The following MUC4 variants were observed in gnomAD, a reference collection of about 807,000 sequenced individuals.
MUC4 encodes the protein mucin 4, cell surface associated, also known as mucin-4.
A neutral mutation model predicts 257.9 loss-of-function variants in MUC4; 202 were observed. That is an observed-to-expected ratio of 0.78 (90% CI 0.70 to 0.88). MUC4 has a LOEUF of 0.88. MUC4 is among the 40% of genes least tolerant of loss of function. The probability of loss-of-function intolerance (pLI) is 0.00; values close to 1 mark genes in which losing one functional copy is unlikely to be tolerated. For synonymous variants in MUC4, 2,351 were observed against 2,757.1 expected (o/e 0.85, Z 4.62); for missense variants, 5,976 against 6,513.7 (o/e 0.92, Z 2.84).
At position 195,763,441 on chromosome 3, in the gene MUC4, G is replaced by T. The variant is rs1291664706; in HGVS notation, c.14245C>A (p.Pro4749Thr). The change falls in exon 12 of 25, where the codon CCC (proline) becomes ACC (threonine). Residue 4749 changes from proline to threonine, a missense_variant. Coordinates refer to ENST00000463781, the MANE Select transcript of MUC4 (RefSeq NM_018406.7). Reference sequence around the variant, plus strand: ...CGGCACCCCTCACTCACCGTGACGGGGCCCAGGCTGCTGGAGCGGTACTGA... The same window carrying T: ...CGGCACCCCTCACTCACCGTGACGGTGCCCAGGCTGCTGGAGCGGTACTGA... ...AAQYRSSSLG[P>T]VTVQWLLEPH... 7.0e-7 allele frequency: 1 copy of T among 1,418,578 alleles called. No homozygotes were observed. Among genetic ancestry groups the T allele is most frequent in the Admixed American group, 3.0e-5 (1 of 32,984 alleles). 87.9% of individuals were successfully genotyped at this position (1,418,578 alleles called of 1,614,324 possible).
At chr3:195,795,413 T>C (rs1198898447) in intron 1 of MUC4, among the ~76,000 whole-genome samples, 1 of 152,078 alleles carries the variant, frequency 6.6e-6, no homozygotes, top group Admixed American at 6.6e-5. Context: ...TTCAGCAATA[T>C]GGAAGAAGAG....
At position 195,783,647 on chromosome 3, in the gene MUC4, C is replaced by T. The variant is rs867222648; in HGVS notation, c.7933G>A (p.Asp2645Asn). 14 of 266,056 alleles carry T rather than the reference C, an allele frequency of 5.3e-5. No individual in the cohort carries two copies. Among genetic ancestry groups the T allele is most frequent in the South Asian group, 1.7e-4 (5 of 30,030 alleles). The allele number at this position is 266,056 out of a possible 1,614,324, so 16.5% of individuals were successfully genotyped here. ...TGHATPLLVT[D>N]ASSASTGQAT... ...TGACCTGTGGATGCTGAGGAAGCGT[C>T]GGTGACAAGAAGAGGAGTGGCGTGA... Residue 2645 changes from aspartate to asparagine, a missense_variant, in exon 2 of 25, where the codon GAC becomes AAC. Around this residue, in one of 44 missense-constraint regions of MUC4, gnomAD observed 75 missense variants for 58.7 expected, o/e 1.28. Coordinates refer to ENST00000463781, the MANE Select transcript of MUC4 (RefSeq NM_018406.7).
At position 195,810,747 on chromosome 3, in the gene MUC4, A is replaced by G. The variant is rs546067169; in HGVS notation, c.82+989T>C. Among the ~76,000 whole-genome samples, 1 of 151,596 alleles carries G rather than the reference A, an allele frequency of 6.6e-6. No homozygotes were observed. Among genetic ancestry groups the G allele is most frequent in the African/African-American group, 2.4e-5 (1 of 41,266 alleles). ...TTCCCTTGCTTGCTGCTGTCTCCCG[A>G]TCTTCTCCTCTCTCCATTCCCAGGG... On this transcript the variant is annotated intron_variant, in intron 1 of 24. Coordinates refer to ENST00000463781, the MANE Select transcript of MUC4 (RefSeq NM_018406.7). The surrounding 1 kb of genome is among the most constrained non-coding windows in gnomAD (Gnocchi z 4.2).
intron 24 of MUC4, among the ~76,000 whole-genome samples, chr3:195,747,934 C>T (rs1472886426): frequency 1.7e-4 from 26 of 152,392 alleles, no homozygotes; most frequent in Admixed American, 3.9e-4. Flanking sequence ...GCAGGGATGC[C>T]GGCCACAGGT....
rs753715454 is a variant in MUC4, at chr3:195,785,132, T to C, written c.6448A>G (p.Thr2150Ala). Residue 2150 changes from threonine to alanine, a missense_variant, in exon 2 of 25, where the codon ACT becomes GCT. Coordinates refer to ENST00000463781, the MANE Select transcript of MUC4 (RefSeq NM_018406.7). The part of the protein sequence containing the change: ...GDTTPLPVTE[T>A]SSVSTGHATS... ...GCGTGACCTGTGGATACTGAGGAAGTTTCGGTGACAGGAAGAGGGGTGGTG... is the reference window on the plus strand; with the variant it reads ...GCGTGACCTGTGGATACTGAGGAAGCTTCGGTGACAGGAAGAGGGGTGGTG... The C allele has an allele frequency of 1.6e-3, 1,729 of 1,114,514 alleles. 553 individuals are homozygous for C. The highest frequency in any genetic ancestry group is 8.2e-3 in the East Asian group (114 of 13,934). 69.0% of individuals were successfully genotyped at this position (1,114,514 alleles called of 1,614,324 possible).
At position 195,780,368 on chromosome 3, in the gene MUC4, A is replaced by G. The variant is rs1244119383; in HGVS notation, c.11212T>C (p.Ser3738Pro). ...GGAAGAGGGGTGACGTGACCTGTGGATGCTGAGGAAGGGCTGGTGACATGA... is the reference window on the plus strand; with the variant it reads ...GGAAGAGGGGTGACGTGACCTGTGGGTGCTGAGGAAGGGCTGGTGACATGA... ...PLHVTSPSSA[S>P]TGHVTPLPVT... The change falls in exon 2 of 25, where the codon TCC becomes CCC. Residue 3738 changes from serine to proline, a missense_variant. By Grantham distance (74) the Ser-to-Pro change is moderately conservative (BLOSUM62 -1). Around this residue, in one of 44 missense-constraint regions of MUC4, gnomAD observed 330 missense variants for 262.0 expected, o/e 1.26. Coordinates refer to ENST00000463781, the MANE Select transcript of MUC4 (RefSeq NM_018406.7). The G allele has an allele frequency of 1.4e-5, 20 of 1,424,784 alleles. No individual in the cohort carries two copies. The highest frequency in any genetic ancestry group is 1.7e-5 in the African/African-American group (1 of 59,882). The allele number at this position is 1,424,784 out of a possible 1,614,324, so 88.3% of individuals were successfully genotyped here.
At chr3:195,760,772 G>T in intron 16 of MUC4, 112 bp downstream of exon 16, 1 of 873,312 alleles carries the variant, frequency 1.1e-6, no homozygotes, top group Non-Finnish European at 1.9e-6. Context: ...GCCAGGAGTG[G>T]AAGAATCTGC....
chr3:195,789,586 G>T lies in MUC4; in HGVS notation c.1994C>A (p.Thr665Asn), dbSNP rs1332712247. Residue 665 changes from threonine (T) to asparagine (N), a missense_variant, in exon 2 of 25, where the codon ACC becomes AAC. Transcript: ENST00000463781. ...VSPMTDTKTVTTPGSSFTASG... is the reference protein window; with the variant it reads ...VSPMTDTKTVNTPGSSFTASG... ...GGCTGTGAAGGAAGAACCTGGGGTG[G>T]TGACTGTCTTGGTGTCAGTCATGGG... 2 of 1,613,940 alleles carry T rather than the reference G, an allele frequency of 1.2e-6. No individual in the cohort carries two copies. The highest frequency in any genetic ancestry group is 3.3e-4 in the Middle Eastern group (2 of 6,062).
At chr3:195,767,727 TCACCACCACCATCAC>T (rs1721467911) in intron 7 of MUC4, among the ~76,000 whole-genome samples, 1 of 1,646 alleles carries the variant, frequency 6.1e-4, no homozygotes, top group Non-Finnish European at 1.1e-3. Flanking sequence ...ACCACCACCA[TCACCACCACCATCAC>T]CATCGCCACC....
At chr3:195,748,770 C>T in intron 24 of MUC4, 132 bp downstream of exon 24, 1 of 1,246,042 alleles carries the variant, frequency 8.0e-7, no homozygotes, top group Non-Finnish European at 1.1e-6. Context: ...TCACAACTCT[C>T]CTTTTCCACT....
At chr3:195,811,030 T>G (rs1158952415) in intron 1 of MUC4, among the ~76,000 whole-genome samples, 1 of 152,042 alleles carries the variant, frequency 6.6e-6, no homozygotes, top group Non-Finnish European at 1.5e-5. Context: ...TGTTCTCTTT[T>G]CTCTCTCTTT....
intron 24 of MUC4, among the ~76,000 whole-genome samples, chr3:195,748,187 G>A (rs111495333): frequency 4.7e-3 from 709 of 152,280 alleles, no homozygotes; most frequent in Non-Finnish European, 6.0e-3. Context: ...TGACTGAGGG[G>A]CAGGACTGGC....
chr3:195,806,703 G>A (rs537290408), intron 1 of MUC4, among the ~76,000 whole-genome samples: 10 of 152,290 alleles, frequency 6.6e-5, no homozygotes, highest in South Asian at 2.1e-4. Flanking sequence ...GGAGATTGCC[G>A]AAAGGCTGTG....
intron 12 of MUC4, 43 bp from the exon 13 acceptor site, chr3:195,762,988 G>T: frequency 6.9e-7 from 1 of 1,444,158 alleles, no homozygotes. Context: ...CCCGCAGGTG[G>T]AGCCGACGCC....
At position 195,789,397 on chromosome 3, in the gene MUC4, C is replaced by T. The variant is rs537035043; in HGVS notation, c.2183G>A (p.Gly728Glu). The change falls in exon 2 of 25, where the codon GGA becomes GAA. Residue 728 changes from glycine to glutamate, a missense_variant. Physicochemically the swap from Gly to Glu is moderately conservative, Grantham distance 98. Around this residue, in one of 44 missense-constraint regions of MUC4, gnomAD observed 1,583 missense variants for 1,257.4 expected, o/e 1.26. Transcript: ENST00000463781. ...ACCTGTTTTGGAAAGTGACGTGCCT[C>T]CTGAGGGCCCCAGGGTGGCATCATG... ...SSHDATLGPS[G>E]GTSLSKTGAL... 3 of 1,613,904 alleles carry T rather than the reference C, an allele frequency of 1.9e-6. No homozygotes were observed. The African/African-American group carries it at 4.0e-5, about 22-fold the overall frequency.
At chr3:195,759,343 A>G in intron 16 of MUC4, 82 bp from the exon 17 acceptor site, 2 of 1,537,196 alleles carry the variant, frequency 1.3e-6, no homozygotes, top group Non-Finnish European at 8.9e-7. Flanking sequence ...CAACTCTAAT[A>G]TGTGTGAGGC....
intron 7 of MUC4, among the ~76,000 whole-genome samples, chr3:195,768,388 G>A (rs1000578826): frequency 1.2e-4 from 18 of 152,166 alleles, no homozygotes; most frequent in African/African-American, 2.4e-5. Context: ...TCCCACACAC[G>A]GGAATCCACA....
At position 195,771,712 on chromosome 3, in the gene MUC4, C is replaced by G; in HGVS notation, c.13182G>C (p.Leu4394=). ...CAGCATCGTCCCAGAACGGAGCCAC[C>G]AGGGCCACAGGGTCCCGGCCTGTGA... ...TGFTGRDPVA[L]VAPFWDDADF... Residue 4394 remains leucine (L), a synonymous_variant, in exon 5 of 25, where the codon CTG becomes CTC. Transcript: ENST00000463781. 6.2e-7 allele frequency: 1 copy of G among 1,613,900 alleles called. No individual in the cohort carries two copies. The highest frequency in any genetic ancestry group is 8.5e-7 in the Non-Finnish European group (1 of 1,179,854).
chr3:195,802,986 C>T (rs1388475128), intron 1 of MUC4, among the ~76,000 whole-genome samples: 1 of 152,018 alleles, frequency 6.6e-6, no homozygotes, highest in South Asian at 2.1e-4. Flanking sequence ...CTCTTCTCAC[C>T]GTCTGTACAC....
Sources: gnomAD v4.1 joint callset for allele counts (sites outside exome capture counted in the v4.1 genomes callset) on GRCh38, gnomAD v4.1.1 for gene constraint, gnomAD v4.1.1 regional missense constraint, Gnocchi (gnomAD v3.1) non-coding constraint, MANE v1.5 for transcripts, NCBI Gene and HGNC (gene_info 2026-07-23, HGNC 2026-07-21) for gene names.